The following CTNNA3 variants were observed in gnomAD, a reference collection of about 807,000 sequenced individuals.
CTNNA3 encodes catenin alpha 3, also known as catenin alpha-3.
In CTNNA3, 76 loss-of-function variants were observed where a neutral mutation model predicts 95.7. The observed-to-expected ratio is 0.79, with a 90% CI of 0.66 to 0.96. CTNNA3 has a LOEUF of 0.96. CTNNA3 is among the 40% of genes least tolerant of loss of function. The probability of loss-of-function intolerance (pLI) is 0.00; values close to 1 mark genes in which losing one functional copy is unlikely to be tolerated. For synonymous variants in CTNNA3, 431 were observed against 374.4 expected (o/e 1.15, Z -1.74); for missense variants, 1,191 against 1,089.8 (o/e 1.09, Z -1.31).
At chr10:67,583,254 C>T (rs907181598) in intron 3 of CTNNA3, among the ~76,000 whole-genome samples, 18 of 152,082 alleles carry the variant, frequency 1.2e-4, no homozygotes, top group East Asian at 3.9e-4. Flanking sequence ...GGCAGGCCTG[C>T]TGGTGACAAA....
intron 7 of CTNNA3, among the ~76,000 whole-genome samples, chr10:66,936,321 A>T (rs769190201): frequency 3.3e-5 from 5 of 150,992 alleles, no homozygotes; most frequent in Non-Finnish European, 5.9e-5. Context: ...CTTAATGTTA[A>T]AAAAAAAATC....
At chr10:66,506,879 T>C (rs1365134042) in intron 11 of CTNNA3, among the ~76,000 whole-genome samples, 1 of 152,152 alleles carries the variant, frequency 6.6e-6, no homozygotes, top group African/African-American at 2.4e-5. Context: ...TGTATGGTAA[T>C]AGGAAATTGG....
intron 17 of CTNNA3, among the ~76,000 whole-genome samples, chr10:65,956,584 T>C (rs1394912939): frequency 1.3e-5 from 2 of 151,948 alleles, no homozygotes; most frequent in South Asian, 2.1e-4. Context: ...TCTGGTATGT[T>C]GTGTCTTTGT....
chr10:67,067,179 G>A (rs542923080), intron 7 of CTNNA3, among the ~76,000 whole-genome samples: 1 of 151,974 alleles, frequency 6.6e-6, no homozygotes, highest in South Asian at 2.1e-4. Flanking sequence ...ATAAATCTTA[G>A]CAAACTATAT....
At chr10:66,636,018 G>C (rs972528699) in intron 9 of CTNNA3, among the ~76,000 whole-genome samples, 2 of 151,208 alleles carry the variant, frequency 1.3e-5, no homozygotes, top group African/African-American at 4.9e-5. Flanking sequence ...GTGTGTGTGT[G>C]TGTGTGTGTG....
chr10:67,746,432 G>A (rs1312282125), intron 1 of CTNNA3, among the ~76,000 whole-genome samples: 1 of 152,128 alleles, frequency 6.6e-6, no homozygotes, highest in Non-Finnish European at 1.5e-5. Context: ...AACAGCTACA[G>A]TGGGAGGCTT....
At chr10:66,041,477 A>C (rs2079687082) in intron 15 of CTNNA3, among the ~76,000 whole-genome samples, 1 of 152,218 alleles carries the variant, frequency 6.6e-6, no homozygotes, top group African/African-American at 2.4e-5. Context: ...ACATTCAGGG[A>C]AGCCAAGCAA....
intron 5 of CTNNA3, among the ~76,000 whole-genome samples, chr10:67,413,213 T>C (rs369080904): frequency 2.0e-4 from 31 of 152,096 alleles, no homozygotes; most frequent in East Asian, 1.9e-3. Context: ...ATTCATTCAT[T>C]CTTCATCATT....
chr10:65,922,885 A>G (rs2077112170), intron 17 of CTNNA3, among the ~76,000 whole-genome samples: 1 of 152,164 alleles, frequency 6.6e-6, no homozygotes, highest in Non-Finnish European at 1.5e-5. Flanking sequence ...GAAACTTACA[A>G]TCATGGCAGA....
intron 9 of CTNNA3, among the ~76,000 whole-genome samples, chr10:66,626,906 C>T (rs1844954448): frequency 6.6e-6 from 1 of 150,440 alleles, no homozygotes; most frequent in East Asian, 2.0e-4. Flanking sequence ...ATACCACCTC[C>T]CCCATCTCCA....
chr10:66,833,804 T>A (rs1400449922), intron 7 of CTNNA3, among the ~76,000 whole-genome samples: 2 of 152,174 alleles, frequency 1.3e-5, no homozygotes, highest in Non-Finnish European at 2.9e-5. Flanking sequence ...TCCTCTTCCA[T>A]GTGTTTTCTC....
chr10:66,161,605 G>T (rs990113286), intron 13 of CTNNA3, among the ~76,000 whole-genome samples: 1 of 152,124 alleles, frequency 6.6e-6, no homozygotes, highest in African/African-American at 2.4e-5. Flanking sequence ...AGGTTATCTG[G>T]TGCTTCTGTC....
chr10:66,915,717 T>TAC (rs1249701259), intron 7 of CTNNA3, among the ~76,000 whole-genome samples: 1 of 147,204 alleles, frequency 6.8e-6, no homozygotes, highest in Non-Finnish European at 1.5e-5. Context: ...ATATAATATA[T>TAC]ATATATACAC....
At chr10:66,836,109 A>G (rs1048413893) in intron 7 of CTNNA3, among the ~76,000 whole-genome samples, 1 of 152,202 alleles carries the variant, frequency 6.6e-6, no homozygotes, top group Non-Finnish European at 1.5e-5. Context: ...GCATTTGCCA[A>G]TTCTGTAGCA....
intron 13 of CTNNA3, among the ~76,000 whole-genome samples, chr10:66,162,342 G>T (rs375758108): frequency 1.3e-5 from 2 of 152,254 alleles, no homozygotes; most frequent in Admixed American, 1.3e-4. Flanking sequence ...GGCTCTGTCA[G>T]GGGGAGGGTC....
rs1055475165 is a variant in CTNNA3, at chr10:66,468,459, A to G, written c.1531+52158T>C. On this transcript the variant is annotated intron_variant, in intron 11 of 17. Transcript: ENST00000433211. ...TACATCAATATAAAATTTAAAAGGG[A>G]GTCATGGGTGGGGGAAATGGGAAAA... is the stretch of plus-strand genomic sequence containing the variant. Among the ~76,000 whole-genome samples, 3 of 151,974 alleles carry G rather than the reference A, an allele frequency of 2.0e-5. No individual in the cohort carries two copies. The East Asian group carries it at 5.8e-4, about 29-fold the overall frequency.
intron 10 of CTNNA3, among the ~76,000 whole-genome samples, chr10:66,614,828 C>T (rs913075001): frequency 2.0e-5 from 3 of 151,942 alleles, no homozygotes; most frequent in Admixed American, 1.3e-4. Context: ...ACATTTCTCT[C>T]TTGTGATTTT....
intron 2 of CTNNA3, among the ~76,000 whole-genome samples, chr10:67,621,647 G>A (rs1294278196): frequency 6.6e-6 from 1 of 151,870 alleles, no homozygotes; most frequent in Non-Finnish European, 1.5e-5. Context: ...TACTCAGGAG[G>A]CTGAGGCAGA....
chr10:67,520,198 AGT>A (rs1839941108), intron 5 of CTNNA3, among the ~76,000 whole-genome samples: 1 of 152,238 alleles, frequency 6.6e-6, no homozygotes, highest in African/African-American at 2.4e-5. Context: ...TTTAATAAAT[AGT>A]ATAGATGATT....
Sources: gnomAD v4.1 joint callset for allele counts (sites outside exome capture counted in the v4.1 genomes callset) on GRCh38, gnomAD v4.1.1 for gene constraint, MANE v1.5 for transcripts, NCBI Gene and HGNC (gene_info 2026-07-23, HGNC 2026-07-21) for gene names.